Variants in SH3D19 observed in about 807,000 individuals in gnomAD.
The protein encoded by SH3D19 is SH3 domain containing 19.
In SH3D19, 58 loss-of-function variants were observed where a neutral mutation model predicts 112.1. The ratio of observed to expected loss-of-function variants is 0.52; its 90% CI spans 0.42 to 0.64. The LOEUF (loss-of-function observed/expected upper bound fraction) is 0.64, where lower values mean the gene tolerates loss of function less well. SH3D19 is among the 30% of genes least tolerant of loss of function. The pLI is 0.00. For synonymous variants in SH3D19, 391 were observed against 448.5 expected (o/e 0.87, Z 1.62); for missense variants, 1,090 against 1,263.4 (o/e 0.86, Z 2.08).
chr4:151,255,049 C>T (rs1318406304), intron 1 of SH3D19, among the ~76,000 whole-genome samples: 2 of 149,046 alleles, frequency 1.3e-5, no homozygotes, highest in Admixed American at 6.6e-5. Context: ...CCTCACCTCC[C>T]GGACGGGGCG....
At chr4:151,281,179 T>C (rs1333056574) in intron 1 of SH3D19, among the ~76,000 whole-genome samples, 2 of 152,154 alleles carry the variant, frequency 1.3e-5, no homozygotes, top group Non-Finnish European at 2.9e-5. Context: ...ATAGTATTGA[T>C]AGAATGCCTG....
intron 1 of SH3D19, among the ~76,000 whole-genome samples, chr4:151,299,744 G>GA (rs143910116): frequency 0.12 from 17,611 of 151,788 alleles, 1,494 homozygotes; most frequent in African/African-American, 0.23. Flanking sequence ...CCATAAACAA[G>GA]AAAAAAAATG....
At chr4:151,151,364 G>T (rs1287241432) in intron 9 of SH3D19, among the ~76,000 whole-genome samples, 1 of 148,394 alleles carries the variant, frequency 6.7e-6, no homozygotes, top group Non-Finnish European at 1.5e-5. Context: ...AACTTCATAA[G>T]AAAAAAAATG....
At chr4:151,275,380 C>T (rs373362840) in intron 1 of SH3D19, among the ~76,000 whole-genome samples, 2 of 152,296 alleles carry the variant, frequency 1.3e-5, no homozygotes, top group East Asian at 1.9e-4. Context: ...AGCCACCATG[C>T]CCAGCCTCAA....
chr4:151,155,522 G>A (rs1755936660), intron 9 of SH3D19, among the ~76,000 whole-genome samples: 1 of 149,160 alleles, frequency 6.7e-6, no homozygotes, highest in African/African-American at 2.4e-5. Flanking sequence ...TGAAAATTTG[G>A]TTCAAAGACT....
intron 7 of SH3D19, among the ~76,000 whole-genome samples, chr4:151,168,078 A>C (rs987875144): frequency 1.3e-5 from 2 of 152,272 alleles, no homozygotes; most frequent in African/African-American, 4.8e-5. Context: ...CAGTGAACAA[A>C]GCACAGAACT....
chr4:151,181,604 T>A (rs1473217306), intron 3 of SH3D19: 1 of 152,224 alleles, frequency 6.6e-6, no homozygotes, highest in Admixed American at 6.5e-5. Context: ...TCAAGTTTGC[T>A]ACAATCACAT....
intron 9 of SH3D19, among the ~76,000 whole-genome samples, chr4:151,153,552 C>A (rs1025828127): frequency 6.6e-6 from 1 of 152,066 alleles, no homozygotes; most frequent in Admixed American, 6.6e-5. Context: ...TGGCCCACAC[C>A]TTTAAGTCTT....
chr4:151,303,448 T>C (rs1460947546), intron 1 of SH3D19, among the ~76,000 whole-genome samples: 1 of 152,236 alleles, frequency 6.6e-6, no homozygotes, highest in African/African-American at 2.4e-5. Context: ...GCAAGAAATA[T>C]ACTGGACCAG....
chr4:151,187,378 A>C, intron 3 of SH3D19, 45 bp downstream of exon 3: 1 of 1,118,216 alleles, frequency 8.9e-7, no homozygotes, highest in South Asian at 4.5e-5. Flanking sequence ...TCATCACTTA[A>C]AATTATTACA....
intron 2 of SH3D19, among the ~76,000 whole-genome samples, chr4:151,219,357 G>A (rs767032639): frequency 5.3e-5 from 8 of 152,066 alleles, no homozygotes; most frequent in Non-Finnish European, 1.0e-4. Flanking sequence ...CCCACGCCCT[G>A]CTCTTTTACT....
chr4:151,247,906 C>A (rs1771059282), intron 1 of SH3D19, among the ~76,000 whole-genome samples: 1 of 152,160 alleles, frequency 6.6e-6, no homozygotes. Context: ...ATGGAAAAAA[C>A]AAACAGTATG....
intron 2 of SH3D19, among the ~76,000 whole-genome samples, chr4:151,218,048 A>G: frequency 6.6e-6 from 1 of 152,184 alleles, no homozygotes; most frequent in East Asian, 1.9e-4. Flanking sequence ...TAGGATAGAC[A>G]CTGAACCACC....
At position 151,120,933 on chromosome 4, in the gene SH3D19, T is replaced by C. The variant is rs1264834224; in HGVS notation, c.*1158A>G. On this transcript the variant is annotated 3_prime_UTR_variant, in exon 20 of 20. Transcript: ENST00000604030. ...AACCTATTTGGCTCTAGCCCATAAA[T>C]TGTAATTGATTCAGTCATGTAAAGA... 3.3e-5 allele frequency: 5 copies of C among 152,672 alleles called. No homozygotes were observed. The highest frequency in any genetic ancestry group is 4.8e-5 in the African/African-American group (2 of 41,464). 9.5% of individuals were successfully genotyped at this position (152,672 alleles called of 1,614,324 possible).
intron 1 of SH3D19, among the ~76,000 whole-genome samples, chr4:151,315,278 T>G (rs1216936512): frequency 6.6e-6 from 1 of 152,212 alleles, no homozygotes; most frequent in Admixed American, 6.5e-5. Flanking sequence ...TGAAAACAAC[T>G]GGAATTGTCT....
chr4:151,122,118 GT>G lies in SH3D19; in HGVS notation c.3116del (p.Asn1039ThrfsTer24). On this transcript the variant is annotated frameshift_variant, in exon 20 of 20. Coordinates refer to ENST00000604030, the MANE Select transcript of SH3D19 (RefSeq NM_001378122.1). LOFTEE classifies it high-confidence loss of function. ...AGCTGATCTGTAGAAACTGTATGTAGTTTTTGGGAAATATTCCAGATTTTCC... is the reference window on the plus strand; with the variant it reads ...AGCTGATCTGTAGAAACTGTATGTAGTTTTGGGAAATATTCCAGATTTTCC... The part of the protein sequence containing the change: ...LMGKSGIFPK[N>X]YIQFLQIS 6.2e-7 allele frequency: 1 copy of G among 1,602,954 alleles called. No individual in the cohort carries two copies. Among genetic ancestry groups the G allele is most frequent in the Non-Finnish European group, 8.5e-7 (1 of 1,170,142 alleles).
chr4:151,183,189 A>C (rs1366406596), intron 3 of SH3D19, among the ~76,000 whole-genome samples: 1 of 151,676 alleles, frequency 6.6e-6, no homozygotes, highest in Admixed American at 6.6e-5. Context: ...ATGGGGTTTC[A>C]CCATGTTGGT....
chr4:151,236,510 C>A (rs2149962223), intron 1 of SH3D19, among the ~76,000 whole-genome samples: 1 of 152,334 alleles, frequency 6.6e-6, no homozygotes, highest in South Asian at 2.1e-4. Context: ...GTAAATGCAC[C>A]AATCAGCACT....
At chr4:151,269,283 G>A (rs1773053236) in intron 1 of SH3D19, among the ~76,000 whole-genome samples, 1 of 152,038 alleles carries the variant, frequency 6.6e-6, no homozygotes, top group African/African-American at 2.4e-5. Flanking sequence ...CTTTTTGATG[G>A]GGTTGTTTGT....
Sources: gnomAD v4.1 joint callset for allele counts (sites outside exome capture counted in the v4.1 genomes callset) on GRCh38, gnomAD v4.1.1 for gene constraint, MANE v1.5 for transcripts, NCBI Gene and HGNC (gene_info 2026-07-23, HGNC 2026-07-21) for gene names.